The following PPP2R2C variants were observed in gnomAD, a reference collection of about 807,000 sequenced individuals.
PPP2R2C encodes the protein protein phosphatase 2 regulatory subunit Bgamma.
A neutral mutation model predicts 45.3 loss-of-function variants in PPP2R2C; 10 were observed. That is an observed-to-expected ratio of 0.22 (90% CI 0.14 to 0.37). PPP2R2C has a LOEUF of 0.37. PPP2R2C is among the 10% of genes least tolerant of loss of function. PPP2R2C has a pLI of 1.00. For synonymous variants in PPP2R2C, 257 were observed against 245.4 expected (o/e 1.05, Z -0.44); for missense variants, 308 against 619.7 (o/e 0.50, Z 5.34).
intron 1 of PPP2R2C, among the ~76,000 whole-genome samples, chr4:6,439,822 C>T (rs1720064712): frequency 6.6e-6 from 1 of 152,226 alleles, no homozygotes; most frequent in Admixed American, 6.5e-5. Context: ...CAAGTCCACA[C>T]TTCTGACCCA....
intron 2 of PPP2R2C, among the ~76,000 whole-genome samples, chr4:6,520,741 T>C (rs1022763523): frequency 1.3e-5 from 2 of 152,158 alleles, no homozygotes; most frequent in African/African-American, 4.8e-5. Context: ...GGAGCTGTGG[T>C]GTGGCTGTCA....
At chr4:6,354,627 A>C (rs1191665473) in intron 5 of PPP2R2C, among the ~76,000 whole-genome samples, 1 of 151,376 alleles carries the variant, frequency 6.6e-6, no homozygotes, top group South Asian at 2.1e-4. Flanking sequence ...CAATTTAGAA[A>C]CTCTGTTCAC....
intron 3 of PPP2R2C, among the ~76,000 whole-genome samples, chr4:6,377,145 G>A (rs1384894367): frequency 1.3e-5 from 2 of 152,228 alleles, no homozygotes; most frequent in African/African-American, 2.4e-5. Flanking sequence ...AGCCATGTTC[G>A]GGAGAGCCTT....
chr4:6,496,370 T>C (rs532840932), intron 2 of PPP2R2C, among the ~76,000 whole-genome samples: 2 of 152,360 alleles, frequency 1.3e-5, no homozygotes, highest in South Asian at 4.1e-4. Context: ...GGATGGGATT[T>C]ACTGAGAGCT....
chr4:6,347,711 GC>G (rs1401739041), intron 6 of PPP2R2C, 134 bp downstream of exon 6: 29 of 1,178,384 alleles, frequency 2.5e-5, no homozygotes, highest in Middle Eastern at 5.8e-4. Context: ...GCAGCAATGG[GC>G]CCACCCACCT....
intron 1 of PPP2R2C, chr4:6,382,175 A>G (rs1715846722): frequency 8.3e-7 from 1 of 1,198,066 alleles, no homozygotes; most frequent in Non-Finnish European, 1.1e-6. Flanking sequence ...TATGTCTTGG[A>G]AGATGGAAAG....
chr4:6,408,306 G>A (rs1186308735), intron 1 of PPP2R2C, among the ~76,000 whole-genome samples: 1 of 152,196 alleles, frequency 6.6e-6, no homozygotes, highest in African/African-American at 2.4e-5. Context: ...ACTAACAGTA[G>A]AACTGGTTTC....
rs935943402 is a variant in PPP2R2C, at chr4:6,368,572, G to C, written c.625+3951C>G. Among the ~76,000 whole-genome samples the C allele has an allele frequency of 5.3e-5, 8 of 152,176 alleles. No individual in the cohort carries two copies. Among genetic ancestry groups the C allele is most frequent in the African/African-American group, 4.8e-5 (2 of 41,438 alleles). On this transcript the variant is annotated intron_variant, in intron 5 of 8. Transcript: ENST00000382599. The surrounding 1 kb of genome is among the most constrained non-coding windows in gnomAD (Gnocchi z 4.2). ...CAAGGCTCACGGTAACGGCCAGGGA[G>C]GACTTTGCAGTCCTGGGATGAACCA...
At chr4:6,535,798 C>A (rs1724590576) in intron 1 of PPP2R2C, among the ~76,000 whole-genome samples, 1 of 152,214 alleles carries the variant, frequency 6.6e-6, no homozygotes, top group Non-Finnish European at 1.5e-5. Context: ...GGCCCACAGC[C>A]CACTCAGGCA....
At chr4:6,494,816 C>T (rs1345211408) in intron 2 of PPP2R2C, among the ~76,000 whole-genome samples, 1 of 152,224 alleles carries the variant, frequency 6.6e-6, no homozygotes, top group Non-Finnish European at 1.5e-5. Flanking sequence ...CATGCAACTG[C>T]ACCCAGCTGC....
chr4:6,547,685 C>T (rs780514356), intron 1 of PPP2R2C, among the ~76,000 whole-genome samples: 22 of 152,126 alleles, frequency 1.4e-4, no homozygotes, highest in Non-Finnish European at 2.9e-4. Flanking sequence ...AAGGACCCAG[C>T]GTCTGCAATG....
At chr4:6,501,741 A>G (rs1270798818) in intron 2 of PPP2R2C, among the ~76,000 whole-genome samples, 1 of 152,156 alleles carries the variant, frequency 6.6e-6, no homozygotes, top group Non-Finnish European at 1.5e-5. Context: ...GGCCTTCCAG[A>G]TACTCACTCT....
intron 6 of PPP2R2C, among the ~76,000 whole-genome samples, chr4:6,340,434 T>G (rs1379190968): frequency 6.6e-6 from 1 of 152,074 alleles, no homozygotes; most frequent in Admixed American, 6.5e-5. Context: ...CCAATGCACC[T>G]ACTTATTTAC....
chr4:6,417,991 G>A (rs1483110529), intron 1 of PPP2R2C, among the ~76,000 whole-genome samples: 1 of 152,206 alleles, frequency 6.6e-6, no homozygotes, highest in Non-Finnish European at 1.5e-5. Context: ...CCAGCAGGCA[G>A]GGGCTCTGGA....
upstream of PPP2R2C, among the ~76,000 whole-genome samples, chr4:6,474,075 G>A (rs1577210245): frequency 1.3e-5 from 2 of 152,272 alleles, no homozygotes; most frequent in East Asian, 3.9e-4. Flanking sequence ...AAATGCAAGG[G>A]CCGGAAGGAT....
At position 6,321,175 on chromosome 4, in the gene PPP2R2C, G is replaced by A. The variant is rs1460521083; in HGVS notation, c.*2127C>T. On this transcript the variant is annotated 3_prime_UTR_variant, in exon 9 of 9. Transcript: ENST00000382599. ...CATGTAAGATTTGTACTTTGAAGATGGTAAATGTTAAATCTATGATGTGAC... is the reference window on the plus strand; with the variant it reads ...CATGTAAGATTTGTACTTTGAAGATAGTAAATGTTAAATCTATGATGTGAC... 6.6e-6 allele frequency: 1 copy of A among 152,186 alleles called. No homozygotes were observed. Among genetic ancestry groups the A allele is most frequent in the African/African-American group, 2.4e-5 (1 of 41,436 alleles). The allele number at this position is 152,186 out of a possible 1,614,324, so 9.4% of individuals were successfully genotyped here. A position where few individuals can be genotyped will look rare whatever the true frequency, so the allele number is the denominator to read the frequency against.
In PPP2R2C at chr4:6,486,728, C is replaced by G. The variant is rs986861448; in HGVS notation, c.49+48543G>C. ...ATCTTTTTCATTGTTTTACTTTTAACTCTTGTCTTTATATTTCAAGTGGGT... is the reference window on the plus strand; with the variant it reads ...ATCTTTTTCATTGTTTTACTTTTAAGTCTTGTCTTTATATTTCAAGTGGGT... On this transcript the variant is annotated intron_variant, in intron 2 of 9. Coordinates refer to the PPP2R2C transcript ENST00000506140. Among the ~76,000 whole-genome samples, 7 of 152,124 alleles carry G rather than the reference C, an allele frequency of 4.6e-5. 2 individuals carry two copies. The highest frequency in any genetic ancestry group is 4.6e-4 in the Admixed American group (7 of 15,280).
intron 2 of PPP2R2C, among the ~76,000 whole-genome samples, chr4:6,501,075 T>C (rs1275150533): frequency 6.6e-6 from 1 of 152,234 alleles, no homozygotes; most frequent in Non-Finnish European, 1.5e-5. Context: ...GATCCAAGGC[T>C]TTTTTAAGTT....
At chr4:6,377,187 G>A (rs1038431055) in intron 3 of PPP2R2C, among the ~76,000 whole-genome samples, 4 of 152,352 alleles carry the variant, frequency 2.6e-5, no homozygotes, top group South Asian at 2.1e-4. Context: ...GGACGTCCTC[G>A]GGGAAGGCGT....
Sources: gnomAD v4.1 joint callset for allele counts (sites outside exome capture counted in the v4.1 genomes callset) on GRCh38, gnomAD v4.1.1 for gene constraint, Gnocchi (gnomAD v3.1) non-coding constraint, MANE v1.5 for transcripts, NCBI Gene and HGNC (gene_info 2026-07-23, HGNC 2026-07-21) for gene names.